The following NPEPPS variants were observed in gnomAD, a reference collection of about 807,000 sequenced individuals.
NPEPPS encodes the protein puromycin-sensitive aminopeptidase.
NPEPPS carries 14 observed loss-of-function variants against 115.5 expected under a neutral mutation model. The observed-to-expected ratio is 0.12, with a 90% confidence interval of 0.08 to 0.19. The LOEUF is 0.19. Ranked by LOEUF, NPEPPS falls within the 10% of genes least tolerant of loss-of-function variation. The pLI is 1.00. For missense variants in NPEPPS, 523 were observed against 1,110.8 expected (o/e 0.47, Z 7.52); for synonymous variants, 285 against 390.6 (o/e 0.73, Z 3.19).
At chr17:47,558,965 C>T (rs1157506410) in intron 2 of NPEPPS, among the ~76,000 whole-genome samples, 2 of 151,016 alleles carry the variant, frequency 1.3e-5, no homozygotes, top group African/African-American at 2.4e-5. Context: ...ACCCGGGAGG[C>T]GGACGGAGGT....
intron 17 of NPEPPS, among the ~76,000 whole-genome samples, chr17:47,609,606 AG>A (rs1304230726): frequency 3.3e-5 from 5 of 152,328 alleles, no homozygotes; most frequent in African/African-American, 1.2e-4. Context: ...ATTTAAGTGT[AG>A]CAAAATGAAT....
At chr17:47,532,658 CAAAAAAA>C (rs898672269) in intron 1 of NPEPPS, among the ~76,000 whole-genome samples, 13 of 51,430 alleles carry the variant, frequency 2.5e-4, no homozygotes, top group Admixed American at 1.3e-3. Flanking sequence ...GACTCCGTCT[CAAAAAAA>C]AAAAAAAAAA....
At chr17:47,593,590 A>G (rs1434234440) in intron 12 of NPEPPS, among the ~76,000 whole-genome samples, 3 of 152,100 alleles carry the variant, frequency 2.0e-5, no homozygotes, top group Non-Finnish European at 4.4e-5. Flanking sequence ...GAATACAGTC[A>G]TGTGTTGCTT....
intron 17 of NPEPPS, among the ~76,000 whole-genome samples, chr17:47,611,618 A>G (rs1455156454): frequency 1.3e-5 from 2 of 152,048 alleles, no homozygotes; most frequent in Non-Finnish European, 2.9e-5. Flanking sequence ...GCCTACAGAC[A>G]TATGCTACCA....
chr17:47,549,867 A>T (rs1415614445), intron 2 of NPEPPS, among the ~76,000 whole-genome samples: 1 of 151,158 alleles, frequency 6.6e-6, no homozygotes, highest in East Asian at 1.9e-4. Flanking sequence ...TATATAATTT[A>T]AAAAAAGAAG....
intron 3 of NPEPPS, among the ~76,000 whole-genome samples, chr17:47,572,689 GA>G (rs2143812497): frequency 6.6e-6 from 1 of 152,234 alleles, no homozygotes; most frequent in East Asian, 1.9e-4. Context: ...AAAACAGATA[GA>G]AAACAGAAAA....
chr17:47,587,351 A>C lies in NPEPPS; in HGVS notation c.1095+7A>C. 10 of 1,568,040 alleles carry C rather than the reference A, an allele frequency of 6.4e-6. No homozygotes were observed. The highest frequency in any genetic ancestry group is 8.6e-6 in the Non-Finnish European group (10 of 1,162,046). ...TGGAAATCTTGTTACTATGGTATTT[A>C]ATATTTTTAAGTGCTCAAATATATT... On this transcript the variant is annotated splice_region_variant and intron_variant, in intron 9 of 22. Transcript: ENST00000322157.
intron 9 of NPEPPS, among the ~76,000 whole-genome samples, chr17:47,589,691 A>G (rs1405105120): frequency 1.3e-5 from 2 of 152,134 alleles, no homozygotes; most frequent in African/African-American, 4.8e-5. Flanking sequence ...ATGCATTCTT[A>G]TTTAACAGGT....
At chr17:47,533,621 C>G (rs1907984333) in intron 1 of NPEPPS, among the ~76,000 whole-genome samples, 1 of 151,934 alleles carries the variant, frequency 6.6e-6, no homozygotes, top group Non-Finnish European at 1.5e-5. Flanking sequence ...TAAATGATTA[C>G]TTATTAAAGA....
At chr17:47,558,700 A>C (rs1910225357) in intron 2 of NPEPPS, among the ~76,000 whole-genome samples, 6 of 152,180 alleles carry the variant, frequency 3.9e-5, no homozygotes, top group Admixed American at 3.9e-4. Flanking sequence ...TGCTGGGATT[A>C]TAGGCGTGAG....
chr17:47,585,778 G>T (rs530348688), intron 6 of NPEPPS, 78 bp downstream of exon 6: 3 of 1,030,288 alleles, frequency 2.9e-6, no homozygotes, highest in African/African-American at 1.6e-5. Context: ...TCAATTATTA[G>T]TACAGTTATT....
upstream of NPEPPS, among the ~76,000 whole-genome samples, chr17:47,526,692 C>CT (rs1195468209): frequency 2.6e-5 from 4 of 152,138 alleles, no homozygotes; most frequent in Non-Finnish European, 5.9e-5. Context: ...GGCGCGGTGG[C>CT]TCACGCCTGT....
chr17:47,534,693 TG>T (rs962297550), intron 1 of NPEPPS, among the ~76,000 whole-genome samples: 9 of 151,866 alleles, frequency 5.9e-5, no homozygotes, highest in African/African-American at 2.2e-4. Context: ...CTCAGCCTCC[TG>T]GGTAGCTGGG....
At chr17:47,538,208 T>C (rs1597812046) in intron 1 of NPEPPS, among the ~76,000 whole-genome samples, 1 of 98,036 alleles carries the variant, frequency 1.0e-5, no homozygotes, top group Non-Finnish European at 2.0e-5. Flanking sequence ...TGTTCTTTTT[T>C]TTTTTTTTTT....
In NPEPPS at chr17:47,619,038, G is replaced by A. The variant is rs374106378; in HGVS notation, c.2433G>A (p.Ser811=). The change falls in exon 21 of 23, where the codon TCG becomes TCA. Residue 811 remains serine (S), a synonymous_variant. Transcript: ENST00000322157. ...AGGTACGTCCACAGGACACTGTATC[G>A]GTAATTGGTGGAGTAGCTGGAGGCA... The part of the protein sequence containing the change: ...SEEVRPQDTV[S]VIGGVAGGSK... The A allele has an allele frequency of 1.9e-5, 31 of 1,613,750 alleles. No homozygotes were observed. The African/African-American group carries it at 2.3e-4, about 12-fold the overall frequency.
chr17:47,525,625 G>A (rs1178466219), intron 1 of NPEPPS, among the ~76,000 whole-genome samples: 2 of 152,196 alleles, frequency 1.3e-5, no homozygotes, highest in Non-Finnish European at 2.9e-5. Flanking sequence ...TTACAGGCGT[G>A]AGGCATGGTG....
chr17:47,529,735 C>CTCT (rs59634065), upstream of NPEPPS, among the ~76,000 whole-genome samples: 10 of 19,012 alleles, frequency 5.3e-4, 1 homozygote, highest in African/African-American at 1.5e-3. Flanking sequence ...ATTTCAGTTA[C>CTCT]ATTATATATA....
intron 17 of NPEPPS, among the ~76,000 whole-genome samples, chr17:47,610,842 ACT>A (rs1913812216): frequency 8.7e-6 from 1 of 115,268 alleles, no homozygotes; most frequent in Non-Finnish European, 1.7e-5. Flanking sequence ...TCATATGATG[ACT>A]CTTTTTTTTT....
At chr17:47,556,289 C>G (rs975346662) in intron 2 of NPEPPS, among the ~76,000 whole-genome samples, 7 of 151,084 alleles carry the variant, frequency 4.6e-5, no homozygotes, top group East Asian at 2.0e-4. Flanking sequence ...TGACTCTTAA[C>G]GAGCATGCTA....
Sources: gnomAD v4.1 joint callset for allele counts (sites outside exome capture counted in the v4.1 genomes callset) on GRCh38, gnomAD v4.1.1 for gene constraint, MANE v1.5 for transcripts, NCBI Gene and HGNC (gene_info 2026-07-23, HGNC 2026-07-21) for gene names.